GAS7: variants seen among roughly 807,000 people sequenced by gnomAD.
GAS7 encodes the protein growth arrest-specific protein 7.
GAS7 carries 28 observed loss-of-function variants against 71.1 expected under a neutral mutation model. The observed-to-expected ratio is 0.39, with a 90% CI of 0.29 to 0.54. The LOEUF is 0.54. Among genes scored for constraint, GAS7 ranks in the 20% least tolerant of loss-of-function variants. The pLI, the probability that GAS7 is intolerant of heterozygous loss-of-function variation, is 0.62. For missense variants in GAS7, 436 were observed against 627.8 expected (o/e 0.69, Z 3.27); for synonymous variants, 258 against 245.8 (o/e 1.05, Z -0.46).
intron 1 of GAS7, among the ~76,000 whole-genome samples, chr17:10,052,152 G>A (rs2073071068): frequency 6.6e-6 from 1 of 152,134 alleles, no homozygotes; most frequent in South Asian, 2.1e-4. Context: ...TGGGCTGAAT[G>A]AAAACGAGCC....
chr17:9,981,736 C>G lies in GAS7; in HGVS notation c.385+68G>C. On this transcript the variant is annotated intron_variant, in intron 3 of 13. Transcript: ENST00000432992. The surrounding 1 kb of genome is among the most constrained non-coding windows in gnomAD (Gnocchi z 4.4). ...AGGTTTAAGACCCAGGACCCATCAT[C>G]TCAGCCTCTCCACTGAATGTGGCAT... 3.3e-6 allele frequency: 3 copies of G among 916,436 alleles called. No individual in the cohort carries two copies. The highest frequency in any genetic ancestry group is 1.6e-5 in the African/African-American group (1 of 61,946). The allele number at this position is 916,436 out of a possible 1,614,324, so 56.8% of individuals were successfully genotyped here.
intron 4 of GAS7, among the ~76,000 whole-genome samples, chr17:9,966,651 C>T (rs575485328): frequency 2.0e-5 from 3 of 152,256 alleles, no homozygotes; most frequent in African/African-American, 7.2e-5. Flanking sequence ...ATGTTTAACT[C>T]TTGGCACCTT....
chr17:10,078,635 G>T (rs2073422640), intron 1 of GAS7, among the ~76,000 whole-genome samples: 1 of 152,202 alleles, frequency 6.6e-6, no homozygotes, highest in Non-Finnish European at 1.5e-5. Context: ...GTTATATATG[G>T]AGGAAAGGAA....
intron 1 of GAS7, among the ~76,000 whole-genome samples, chr17:10,157,963 G>A (rs576745767): frequency 3.8e-4 from 58 of 152,282 alleles, no homozygotes; most frequent in African/African-American, 1.3e-3. Flanking sequence ...AGCTATGATC[G>A]TACCACTGCG....
At chr17:10,061,795 C>G in intron 1 of GAS7, among the ~76,000 whole-genome samples, 1 of 152,116 alleles carries the variant, frequency 6.6e-6, no homozygotes, top group East Asian at 1.9e-4. Flanking sequence ...CTCCCAGCCT[C>G]CCTCTCAGGC....
chr17:10,130,439 C>A (rs35484365), intron 1 of GAS7, among the ~76,000 whole-genome samples: 31,511 of 151,996 alleles, frequency 0.21, 4,158 homozygotes, highest in Admixed American at 0.3. Context: ...AACAGCCTGG[C>A]CATTCCTCAA....
At chr17:9,998,171 A>G (rs150177168) in intron 2 of GAS7, among the ~76,000 whole-genome samples, 2 of 152,348 alleles carry the variant, frequency 1.3e-5, no homozygotes, top group East Asian at 3.9e-4. Context: ...GGGATCCCAG[A>G]CACCCATCAT....
chr17:10,007,442 T>A (rs2071581366), intron 2 of GAS7, among the ~76,000 whole-genome samples: 1 of 151,834 alleles, frequency 6.6e-6, no homozygotes, highest in Admixed American at 6.6e-5. Context: ...CTGGCCAACA[T>A]GGTGAAATCC....
At chr17:9,933,151 G>T (rs779026982) in intron 9 of GAS7, among the ~76,000 whole-genome samples, 1 of 151,898 alleles carries the variant, frequency 6.6e-6, no homozygotes, top group African/African-American at 2.4e-5. Context: ...CAGCCTGGGC[G>T]ACAAAGCAAG....
intron 3 of GAS7, among the ~76,000 whole-genome samples, chr17:9,978,534 G>T (rs532424723): frequency 6.6e-6 from 1 of 151,310 alleles, no homozygotes; most frequent in African/African-American, 2.4e-5. Flanking sequence ...GAAAATTAGC[G>T]GGGTGTGGTG....
At chr17:10,073,894 T>C (rs540259975) in intron 1 of GAS7, among the ~76,000 whole-genome samples, 4 of 152,238 alleles carry the variant, frequency 2.6e-5, no homozygotes, top group Non-Finnish European at 5.9e-5. Context: ...CCCATAGCCA[T>C]TGAGCCTGGC....
intron 5 of GAS7, among the ~76,000 whole-genome samples, chr17:9,954,574 C>T (rs2069152416): frequency 6.6e-6 from 1 of 152,096 alleles, no homozygotes; most frequent in South Asian, 2.1e-4. Context: ...CTTGACAGCA[C>T]CATGAAGTCA....
intron 1 of GAS7, among the ~76,000 whole-genome samples, chr17:10,069,035 A>G (rs1321919187): frequency 6.6e-6 from 1 of 152,112 alleles, no homozygotes; most frequent in Admixed American, 6.5e-5. Flanking sequence ...CACAAACATG[A>G]ATTGCAGACT....
At chr17:10,139,931 A>G (rs1030066589) in intron 1 of GAS7, among the ~76,000 whole-genome samples, 1 of 152,184 alleles carries the variant, frequency 6.6e-6, no homozygotes, top group Non-Finnish European at 1.5e-5. Flanking sequence ...TCCATGACAC[A>G]GGGCCCCAGA....
intron 1 of GAS7, among the ~76,000 whole-genome samples, chr17:10,133,116 T>TATATATATATATATA (rs1319814933): frequency 1.7e-4 from 24 of 144,398 alleles, no homozygotes; most frequent in African/African-American, 5.6e-4. Flanking sequence ...GATTATATAT[T>TATATATATATATATA]TTTATATTTT....
chr17:10,046,800 G>A (rs541569509), intron 1 of GAS7, among the ~76,000 whole-genome samples: 1 of 88,848 alleles, frequency 1.1e-5, no homozygotes, highest in African/African-American at 5.5e-5. Flanking sequence ...AAGGAAGGAA[G>A]GAAGGAAGGA....
chr17:9,959,294 C>T lies in GAS7; in HGVS notation c.472-39G>A, dbSNP rs1415768182. On this transcript the variant is annotated intron_variant, in intron 4 of 13. Transcript: ENST00000432992. This position sits in a 1 kb window ranked among gnomAD's most constrained non-coding sequence, Gnocchi z 5.0. ...CAAGAAACATCGTCAAAGCTGTTCT[C>T]CATATTGGACATTTTTTCCCCCCAT... 5 of 1,613,780 alleles carry T rather than the reference C, an allele frequency of 3.1e-6. No homozygotes were observed. The highest frequency in any genetic ancestry group is 2.2e-5 in the East Asian group (1 of 44,880).
intron 1 of GAS7, among the ~76,000 whole-genome samples, chr17:10,056,655 A>C (rs779323182): frequency 5.1e-4 from 77 of 152,240 alleles, no homozygotes; most frequent in Middle Eastern, 3.4e-3. Context: ...GTGGATCACG[A>C]GGTCAGGAGA....
chr17:10,115,637 C>A (rs748179418), intron 1 of GAS7, among the ~76,000 whole-genome samples: 3 of 141,474 alleles, frequency 2.1e-5, no homozygotes, highest in Non-Finnish European at 4.7e-5. Context: ...GCACACAACT[C>A]TTGCCCATAC....
Sources: allele counts gnomAD v4.1 joint callset (sites outside exome capture counted in the v4.1 genomes callset), GRCh38; gene constraint gnomAD v4.1.1; non-coding constraint Gnocchi (gnomAD v3.1); transcripts MANE v1.5; gene names NCBI Gene and HGNC (gene_info 2026-07-23, HGNC 2026-07-21).